Variants in CUEDC1 observed in about 807,000 individuals in gnomAD.
The protein encoded by CUEDC1 is CUE domain containing 1.
In CUEDC1, 30 loss-of-function variants were observed where a neutral mutation model predicts 43.7. The observed-to-expected ratio is 0.69, with a 90% CI of 0.51 to 0.93. CUEDC1 has a LOEUF of 0.93. Among genes scored for constraint, CUEDC1 ranks in the 40% least tolerant of loss-of-function variants. CUEDC1 has a pLI of 0.00. For missense variants in CUEDC1, 486 were observed against 549.0 expected (o/e 0.89, Z 1.15); for synonymous variants, 223 against 223.6 (o/e 1.00, Z 0.02).
intron 1 of CUEDC1, among the ~76,000 whole-genome samples, chr17:57,941,271 C>T (rs559878255): frequency 6.6e-6 from 1 of 152,212 alleles, no homozygotes; most frequent in Non-Finnish European, 1.5e-5. Flanking sequence ...CTTTTCTCCC[C>T]CTATCCCACA....
In CUEDC1 at chr17:57,872,721, G is replaced by A. The variant is rs16942487; in HGVS notation, c.726C>T (p.Asn242=). 6.0e-3 allele frequency: 9,729 copies of A among 1,614,126 alleles called. 524 individuals are homozygous for A. In the African/African-American group the frequency reaches 0.11, roughly 19 times the overall value. ...GTTGCAGCTCCTTCATGAACTCCTC[G>A]TTCTGCAGGAAAAGCGCGATCCTCT... ...EDERIALFLQ[N]EEFMKELQRN... The change falls in exon 5 of 11, where the codon AAC becomes AAT. Residue 242 remains asparagine, a synonymous_variant. Coordinates refer to ENST00000577830, the MANE Select transcript of CUEDC1 (RefSeq NM_001271875.2).
At chr17:57,898,444 T>C (rs899322100) in intron 1 of CUEDC1, among the ~76,000 whole-genome samples, 2 of 151,818 alleles carry the variant, frequency 1.3e-5, no homozygotes, top group African/African-American at 4.8e-5. Context: ...TGGTCAGGAG[T>C]TGGGCAGTCC....
chr17:57,911,840 T>C (rs2074586848), intron 1 of CUEDC1, among the ~76,000 whole-genome samples: 1 of 152,160 alleles, frequency 6.6e-6, no homozygotes, highest in Non-Finnish European at 1.5e-5. Context: ...GGGACAGACA[T>C]TTCTTAAGTG....
chr17:57,955,226 G>A lies in CUEDC1; in HGVS notation c.-317C>T, dbSNP rs1334042254. 1 of 145,638 alleles carries A rather than the reference G, an allele frequency of 6.9e-6. No individual in the cohort carries two copies. Among genetic ancestry groups the A allele is most frequent in the African/African-American group, 2.5e-5 (1 of 40,560 alleles). 9.0% of individuals were successfully genotyped at this position (145,638 alleles called of 1,614,324 possible). On this transcript the variant is annotated splice_region_variant and 5_prime_UTR_variant, in exon 1 of 11. Coordinates refer to ENST00000577830, the MANE Select transcript of CUEDC1 (RefSeq NM_001271875.2). The surrounding 1 kb of genome is among the most constrained non-coding windows in gnomAD (Gnocchi z 5.3). ...GCCGCGGGAGCGCGGGGGTCTTACC[G>A]GGCAGCGCCACGCGCGTCCGCTCCG...
rs546602981 is a variant in CUEDC1 at position 57,933,463 on chromosome 17, C to G, written c.-316+21762G>C. ...GGCAAGTTCATGAGCCCCCCTCCACCCCAATTTCAGATGAAGAAGCCACTT... is the reference window on the plus strand; with the variant it reads ...GGCAAGTTCATGAGCCCCCCTCCACGCCAATTTCAGATGAAGAAGCCACTT... On this transcript the variant is annotated intron_variant, in intron 1 of 10. Transcript: ENST00000577830. 4.6e-5 allele frequency among the ~76,000 whole-genome samples: 7 copies of G among 152,240 alleles called. No individual in the cohort carries two copies. The East Asian group carries it at 1.3e-3, about 29-fold the overall frequency.
At position 57,930,453 on chromosome 17, in the gene CUEDC1, A is replaced by AT. The variant is rs1272175087; in HGVS notation, c.-316+24771_-316+24772insA. Among the ~76,000 whole-genome samples the AT allele has an allele frequency of 6.6e-6, 1 of 152,232 alleles. No homozygotes were observed. Among genetic ancestry groups the AT allele is most frequent in the East Asian group, 1.9e-4 (1 of 5,192 alleles). The stretch of plus-strand genomic sequence containing the variant: ...GCCCTTTTATCCTGAGTCAGAAACC[A>AT]AAGCCCTCTCCGTCCCAGGGGTTTA... On this transcript the variant is annotated intron_variant, in intron 1 of 10. Coordinates refer to ENST00000577830, the MANE Select transcript of CUEDC1 (RefSeq NM_001271875.2). The surrounding 1 kb of genome is among the most constrained non-coding windows in gnomAD (Gnocchi z 4.2).
chr17:57,890,456 A>G (rs899912301), intron 1 of CUEDC1, among the ~76,000 whole-genome samples: 1 of 152,182 alleles, frequency 6.6e-6, no homozygotes, highest in Non-Finnish European at 1.5e-5. Flanking sequence ...CTGGCTTCTG[A>G]AAAAGGAAGC....
At chr17:57,895,944 G>C (rs2074403174) in intron 1 of CUEDC1, among the ~76,000 whole-genome samples, 1 of 152,110 alleles carries the variant, frequency 6.6e-6, no homozygotes, top group African/African-American at 2.4e-5. Context: ...CAGGCTGAAG[G>C]CCCCCCCAGT....
At chr17:57,909,949 G>C (rs2074566445) in intron 1 of CUEDC1, among the ~76,000 whole-genome samples, 1 of 152,210 alleles carries the variant, frequency 6.6e-6, no homozygotes, top group African/African-American at 2.4e-5. Flanking sequence ...AGAGGTTCTA[G>C]CAACACAATG....
At chr17:57,888,227 C>T (rs535476671) in intron 1 of CUEDC1, among the ~76,000 whole-genome samples, 30 of 152,308 alleles carry the variant, frequency 2.0e-4, no homozygotes, top group African/African-American at 7.0e-4. Context: ...CATATACCAC[C>T]ATAAATGAAT....
chr17:57,954,254 G>C lies in CUEDC1; in HGVS notation c.-316+971C>G, dbSNP rs1335743093. ...GACTGCGGATCAGGTGGGGAGCACG[G>C]TGGATGGTCTTCTTGTATCCTCTAT... On this transcript the variant is annotated intron_variant, in intron 1 of 10. Coordinates refer to ENST00000577830, the MANE Select transcript of CUEDC1 (RefSeq NM_001271875.2). This position sits in a 1 kb window ranked among gnomAD's most constrained non-coding sequence, Gnocchi z 4.3. Among the ~76,000 whole-genome samples the C allele has an allele frequency of 6.6e-6, 1 of 152,160 alleles. No individual in the cohort carries two copies. The highest frequency in any genetic ancestry group is 1.5e-5 in the Non-Finnish European group (1 of 68,028).
intron 6 of CUEDC1, 92 bp from the exon 7 acceptor site, chr17:57,869,285 A>G (rs2074003877): frequency 2.7e-6 from 3 of 1,116,138 alleles, no homozygotes; most frequent in Non-Finnish European, 4.0e-6. Context: ...AAATGCAAAG[A>G]AAGAGCAGGC....
intron 1 of CUEDC1, among the ~76,000 whole-genome samples, chr17:57,908,647 CTGTGTGTGTGCATT>C (rs1244364852): frequency 1.3e-5 from 2 of 152,090 alleles, no homozygotes; most frequent in Non-Finnish European, 2.9e-5. Flanking sequence ...TTATTTGTGG[CTGTGTGTGTGCATT>C]TGTGTGTGTG....
rs1340471322 is a variant in CUEDC1 at position 57,861,740 on chromosome 17, G to A, written c.*1549C>T. On this transcript the variant is annotated 3_prime_UTR_variant, in exon 11 of 11. Transcript: ENST00000577830. ...TTCCCCCACAGTGCGCCGGGTCCTGGCGCGGGGAAGGCTCAGAGACCCGTC... is the reference window on the plus strand; with the variant it reads ...TTCCCCCACAGTGCGCCGGGTCCTGACGCGGGGAAGGCTCAGAGACCCGTC... 3 of 152,222 alleles carry A rather than the reference G, an allele frequency of 2.0e-5. No individual in the cohort carries two copies. The highest frequency in any genetic ancestry group is 4.4e-5 in the Non-Finnish European group (3 of 68,050). The allele number at this position is 152,222 out of a possible 1,614,324, so 9.4% of individuals were successfully genotyped here.
intron 1 of CUEDC1, among the ~76,000 whole-genome samples, chr17:57,907,063 C>T (rs1229780515): frequency 6.6e-6 from 1 of 151,832 alleles, no homozygotes; most frequent in African/African-American, 2.4e-5. Context: ...GGGCAGCCAG[C>T]ACACAGGAAA....
At chr17:57,939,783 C>T (rs1328609757) in intron 1 of CUEDC1, among the ~76,000 whole-genome samples, 1 of 152,164 alleles carries the variant, frequency 6.6e-6, no homozygotes, top group East Asian at 1.9e-4. Context: ...GGCTCAGACA[C>T]CATTCAGTAA....
chr17:57,870,654 C>T (rs28695339), intron 6 of CUEDC1, among the ~76,000 whole-genome samples: 16,689 of 151,284 alleles, frequency 0.11, 1,008 homozygotes, highest in Non-Finnish European at 0.13. Context: ...AGCCCCACCA[C>T]GGGGCATTTT....
chr17:57,940,610 T>C (rs1244476244), intron 1 of CUEDC1, among the ~76,000 whole-genome samples: 3 of 152,194 alleles, frequency 2.0e-5, no homozygotes, highest in Non-Finnish European at 4.4e-5. Context: ...CCCTGGGATG[T>C]CAGGATTTGA....
chr17:57,906,947 G>A (rs560947792), intron 1 of CUEDC1, among the ~76,000 whole-genome samples: 1 of 149,578 alleles, frequency 6.7e-6, no homozygotes, highest in African/African-American at 2.5e-5. Context: ...CTCCAGCCTG[G>A]GCAACAAGAG....
Sources: gnomAD v4.1 joint callset for allele counts (sites outside exome capture counted in the v4.1 genomes callset) on GRCh38, gnomAD v4.1.1 for gene constraint, Gnocchi (gnomAD v3.1) non-coding constraint, MANE v1.5 for transcripts, NCBI Gene and HGNC (gene_info 2026-07-23, HGNC 2026-07-21) for gene names.